SNRPA1: variants seen among roughly 807,000 people sequenced by gnomAD.
SNRPA1 encodes U2 small nuclear ribonucleoprotein A'.
In SNRPA1, 5 loss-of-function variants were observed where a neutral mutation model predicts 32.3. The ratio of observed to expected loss-of-function variants is 0.15; its 90% CI spans 0.08 to 0.33. The LOEUF is 0.33. SNRPA1 is among the 10% of genes least tolerant of loss of function. The probability of loss-of-function intolerance (pLI) is 1.00; values close to 1 mark genes in which losing one functional copy is unlikely to be tolerated. For synonymous variants in SNRPA1, 111 were observed against 120.1 expected, an observed-to-expected ratio of 0.92 and a Z score of 0.50; for missense variants, 198 against 311.1, an observed-to-expected ratio of 0.64 and a Z score of 2.74.
chr15:101,287,970 T>C lies in SNRPA1; in HGVS notation c.310-268A>G, dbSNP rs1326848566. 4 of 401,156 alleles carry C rather than the reference T, an allele frequency of 1.0e-5. No homozygotes were observed. In the Admixed American group the frequency reaches 1.5e-4, roughly 15 times the overall value. The allele number at this position is 401,156 out of a possible 1,614,324, so 24.8% of individuals were successfully genotyped here. On this transcript the variant is annotated intron_variant, in intron 3 of 8. Transcript: ENST00000254193. ...TTTCCTACAGGAATCTCAAAGTGGC[T>C]GCTGAGCCATGATTTGGAAAAGAAA...
At chr15:101,282,390 G>C (rs2039405975) in intron 8 of SNRPA1, among the ~76,000 whole-genome samples, 1 of 152,182 alleles carries the variant, frequency 6.6e-6, no homozygotes. Flanking sequence ...ATTCCATCCT[G>C]TGCAATACGG....
intron 8 of SNRPA1, among the ~76,000 whole-genome samples, chr15:101,283,563 C>A (rs1226859256): frequency 6.7e-6 from 1 of 150,094 alleles, no homozygotes; most frequent in African/African-American, 2.5e-5. Flanking sequence ...GAGACTCCGT[C>A]TCAAAACAAC....
At chr15:101,293,289 T>C in intron 1 of SNRPA1, 117 bp from the exon 2 acceptor site, 1 of 692,288 alleles carries the variant, frequency 1.4e-6, no homozygotes, top group South Asian at 2.4e-5. Context: ...TCAGGAAGTA[T>C]TACCTAGCAC....
At chr15:101,283,908 C>T (rs1184420220) in intron 8 of SNRPA1, among the ~76,000 whole-genome samples, 1 of 152,220 alleles carries the variant, frequency 6.6e-6, no homozygotes, top group Non-Finnish European at 1.5e-5. Flanking sequence ...CCACTGCACT[C>T]CAGCCTGGGC....
chr15:101,281,699 T>A lies in SNRPA1; in HGVS notation c.*25A>T, dbSNP rs2039396440. The A allele has an allele frequency of 6.4e-7, 1 of 1,558,638 alleles. No homozygotes were observed. Among genetic ancestry groups the A allele is most frequent in the African/African-American group, 1.4e-5 (1 of 73,906 alleles). On this transcript the variant is annotated 3_prime_UTR_variant, in exon 9 of 9. Coordinates refer to ENST00000254193, the MANE Select transcript of SNRPA1 (RefSeq NM_003090.4). The stretch of plus-strand genomic sequence containing the variant: ...AAGCAAGACTTGTTCCAAGAGGGCC[T>A]ATTATTATACATCTGCCTCACTGCT...
At chr15:101,289,566 T>C (rs1238552785) in intron 3 of SNRPA1, among the ~76,000 whole-genome samples, 1 of 152,074 alleles carries the variant, frequency 6.6e-6, no homozygotes, top group Non-Finnish European at 1.5e-5. Flanking sequence ...AACACACCAG[T>C]AATTACATTA....
chr15:101,287,079 A>C, intron 4 of SNRPA1, 69 bp from the exon 5 acceptor site: 1 of 709,252 alleles, frequency 1.4e-6, no homozygotes, highest in Non-Finnish European at 2.5e-6. Context: ...CTGTTTGAAT[A>C]GTCTAAGGAA....
chr15:101,286,585 C>T (rs566257305), intron 5 of SNRPA1: 16 of 465,564 alleles, frequency 3.4e-5, no homozygotes, highest in Admixed American at 3.1e-4. Flanking sequence ...TCCTAACACA[C>T]GGAGCTGCAC....
chr15:101,286,115 T>C (rs2039451747), intron 6 of SNRPA1, 99 bp downstream of exon 6: 1 of 939,380 alleles, frequency 1.1e-6, no homozygotes, highest in African/African-American at 1.6e-5. Flanking sequence ...CATTAATATG[T>C]CAGAGTTTTT....
At chr15:101,282,453 A>C (rs900250107) in intron 8 of SNRPA1, among the ~76,000 whole-genome samples, 1 of 152,228 alleles carries the variant, frequency 6.6e-6, no homozygotes, top group Non-Finnish European at 1.5e-5. Flanking sequence ...ACACAGTTAG[A>C]AAAGGGAGGA....
chr15:101,289,030 CAG>C (rs2039489387), intron 3 of SNRPA1, among the ~76,000 whole-genome samples: 1 of 152,130 alleles, frequency 6.6e-6, no homozygotes, highest in Non-Finnish European at 1.5e-5. Flanking sequence ...CAGATAAAAA[CAG>C]GGAGAGCAGA....
rs1053301275 is a variant in SNRPA1, at chr15:101,293,067, A to G, written c.188T>C (p.Leu63Ser). The stretch of plus-strand genomic sequence containing the variant: ...CACTAACAATGTTTTCAGTCTTCTC[A>G]ACAAAGGAAAACCATCCAGTTTCCT... ...EIRKLDGFPL[L>S]RRLKTLLVNN... is the part of the protein sequence containing the mutation. Residue 63 changes from leucine (L) to serine (S), a missense_variant, in exon 2 of 9, where the codon TTG (leucine) becomes TCG (serine). Leu to Ser is a moderately radical substitution (Grantham distance 145). Transcript: ENST00000254193. 8 of 1,612,944 alleles carry G rather than the reference A, an allele frequency of 5.0e-6. No homozygotes were observed. Among genetic ancestry groups the G allele is most frequent in the Non-Finnish European group, 6.8e-6 (8 of 1,179,442 alleles).
chr15:101,285,820 A>C lies in SNRPA1; in HGVS notation c.540-19T>G, dbSNP rs778079401. ...ATTAAAACTTAAGAGGGGGAAGAAC[A>C]TAACTGTTAGACCTAGACCAACAGA... On this transcript the variant is annotated intron_variant, in intron 6 of 8. Transcript: ENST00000254193. The C allele has an allele frequency of 6.2e-7, 1 of 1,603,270 alleles. No individual in the cohort carries two copies. The highest frequency in any genetic ancestry group is 1.3e-5 in the African/African-American group (1 of 74,698).
Position 101,293,178 on chromosome 15 carries a change from A to T in SNRPA1, c.83-6T>A. 6.3e-7 allele frequency: 1 copy of T among 1,592,190 alleles called. No homozygotes were observed. The highest frequency in any genetic ancestry group is 8.6e-7 in the Non-Finnish European group (1 of 1,166,774). ...AATGACGGGAATTTTATACCCTATAAAATGGAGGAAAAAAACACAAGAGGT... is the reference window on the plus strand; with the variant it reads ...AATGACGGGAATTTTATACCCTATATAATGGAGGAAAAAAACACAAGAGGT... On this transcript the variant is annotated splice_polypyrimidine_tract_variant and splice_region_variant and intron_variant, in intron 1 of 8. Transcript: ENST00000254193.
chr15:101,290,740 ATTTTT>A (rs766825971), intron 3 of SNRPA1, among the ~76,000 whole-genome samples: 1 of 118,574 alleles, frequency 8.4e-6, no homozygotes, highest in Non-Finnish European at 1.8e-5. Context: ...CACTTTTGGC[ATTTTT>A]TTTTTTTTTT....
intron 8 of SNRPA1, among the ~76,000 whole-genome samples, chr15:101,283,393 T>TAAA (rs879422585): frequency 2.8e-4 from 38 of 137,796 alleles, no homozygotes; most frequent in African/African-American, 9.5e-4. Context: ...CTGTCTCTAC[T>TAAA]AAAAAAAAAA....
chr15:101,290,892 C>T (rs560557812), intron 3 of SNRPA1, among the ~76,000 whole-genome samples: 1 of 152,070 alleles, frequency 6.6e-6, no homozygotes, highest in African/African-American at 2.4e-5. Flanking sequence ...CAGGAACCCA[C>T]CACCACGCCC....
At chr15:101,284,873 C>T (rs2039437281) in intron 8 of SNRPA1, 94 bp downstream of exon 8, 1 of 894,988 alleles carries the variant, frequency 1.1e-6, no homozygotes, top group Non-Finnish European at 1.9e-6. Context: ...GGAGGCACTA[C>T]TCTGGCATTC....
intron 7 of SNRPA1, among the ~76,000 whole-genome samples, chr15:101,285,336 A>T (rs1032268371): frequency 6.6e-6 from 1 of 152,222 alleles, no homozygotes; most frequent in African/African-American, 2.4e-5. Context: ...ACTATTTGCA[A>T]TTATGTTACT....
Sources: allele counts gnomAD v4.1 joint callset (sites outside exome capture counted in the v4.1 genomes callset), GRCh38; gene constraint gnomAD v4.1.1; transcripts MANE v1.5; gene names NCBI Gene and HGNC (gene_info 2026-07-23, HGNC 2026-07-21).